TCF20: variants seen among roughly 807,000 people sequenced by gnomAD.
TCF20 encodes transcription factor 20, also known as SPRE-binding protein.
TCF20 carries 3 observed loss-of-function variants against 148.6 expected under a neutral mutation model. The ratio of observed to expected loss-of-function variants is 0.02; its 90% confidence interval spans 0.01 to 0.05. TCF20 has a LOEUF of 0.05. TCF20 is among the 10% of genes least tolerant of loss of function. TCF20 has a pLI of 1.00. For synonymous variants in TCF20, 1,049 were observed against 909.5 expected (o/e 1.15, Z -2.76); for missense variants, 2,350 against 2,429.3 (o/e 0.97, Z 0.69).
At chr22:42,172,335 C>T (rs1856373662) in intron 3 of TCF20, among the ~76,000 whole-genome samples, 1 of 152,200 alleles carries the variant, frequency 6.6e-6, no homozygotes, top group Admixed American at 6.5e-5. Flanking sequence ...TGTAGTAAAA[C>T]CTCTTCTGAG....
upstream of TCF20, among the ~76,000 whole-genome samples, chr22:42,271,381 GAATT>G (rs1926614993): frequency 6.6e-6 from 1 of 152,354 alleles, no homozygotes; most frequent in South Asian, 2.1e-4. Context: ...CCAGGGTCCC[GAATT>G]AATTTGCCGA....
intron 1 of TCF20, among the ~76,000 whole-genome samples, chr22:42,245,042 C>T (rs1924789392): frequency 6.6e-6 from 1 of 152,010 alleles, no homozygotes; most frequent in Non-Finnish European, 1.5e-5. Flanking sequence ...GTGATCATGC[C>T]ACTGCACTCC....
chr22:42,201,492 G>C (rs1938013680), intron 2 of TCF20, among the ~76,000 whole-genome samples: 1 of 152,186 alleles, frequency 6.6e-6, no homozygotes, highest in African/African-American at 2.4e-5. Flanking sequence ...TTTAGACCAG[G>C]CGCGGTGGCT....
At chr22:42,284,950 C>T (rs1211627766), upstream of TCF20, among the ~76,000 whole-genome samples, 3 of 152,260 alleles carry the variant, frequency 2.0e-5, no homozygotes. Flanking sequence ...GGACTCTGGG[C>T]CGTGGCCAGA....
At chr22:42,227,959 T>G (rs935249264) in intron 1 of TCF20, among the ~76,000 whole-genome samples, 2 of 152,246 alleles carry the variant, frequency 1.3e-5, no homozygotes, top group African/African-American at 4.8e-5. Context: ...TTCTGCATGT[T>G]AACAAGGTCA....
At chr22:42,179,839 G>T in intron 2 of TCF20, 137 bp from the exon 3 acceptor site, 1 of 641,790 alleles carries the variant, frequency 1.6e-6, no homozygotes, top group Non-Finnish European at 2.8e-6. Context: ...GGATGAGCTG[G>T]TCAATTTCTA....
chr22:42,334,636 A>G (rs1928034921), intron 1 of TCF20, among the ~76,000 whole-genome samples: 1 of 152,254 alleles, frequency 6.6e-6, no homozygotes, highest in African/African-American at 2.4e-5. Flanking sequence ...TGTGGCAGAC[A>G]CACTGGCGCC....
chr22:42,327,802 G>A (rs1307917609), intron 1 of TCF20, among the ~76,000 whole-genome samples: 1 of 150,818 alleles, frequency 6.6e-6, no homozygotes, highest in Non-Finnish European at 1.5e-5. Flanking sequence ...CTCCCAGAGG[G>A]CCCAGCTCAT....
intron 2 of TCF20, among the ~76,000 whole-genome samples, chr22:42,204,416 A>G (rs1938248018): frequency 6.6e-6 from 1 of 152,218 alleles, no homozygotes; most frequent in Admixed American, 6.5e-5. Flanking sequence ...AATCACTTGA[A>G]TACAGGAGGC....
chr22:42,332,848 T>C (rs144001816), intron 1 of TCF20, among the ~76,000 whole-genome samples: 6 of 152,322 alleles, frequency 3.9e-5, no homozygotes, highest in Admixed American at 6.5e-5. Context: ...TCTGTTTCTA[T>C]AAAGTGCAGA....
At chr22:42,226,579 C>A (rs1922918503) in intron 1 of TCF20, among the ~76,000 whole-genome samples, 1 of 152,066 alleles carries the variant, frequency 6.6e-6, no homozygotes, top group African/African-American at 2.4e-5. Flanking sequence ...GTGGCGGAAA[C>A]CTATAATCCC....
At chr22:42,187,911 G>T (rs1937123485) in intron 2 of TCF20, among the ~76,000 whole-genome samples, 1 of 152,184 alleles carries the variant, frequency 6.6e-6, no homozygotes, top group African/African-American at 2.4e-5. Flanking sequence ...TGAGAAGTTA[G>T]TAGGTCTAAG....
upstream of TCF20, among the ~76,000 whole-genome samples, chr22:42,271,702 A>C: frequency 6.6e-6 from 1 of 152,122 alleles, no homozygotes; most frequent in African/African-American, 2.4e-5. Flanking sequence ...ATGTTGGCTA[A>C]AATTGCCGAT....
intron 1 of TCF20, among the ~76,000 whole-genome samples, chr22:42,309,972 T>C (rs1477823322): frequency 6.6e-6 from 1 of 152,174 alleles, no homozygotes; most frequent in Non-Finnish European, 1.5e-5. Flanking sequence ...CAGCCCTGTC[T>C]CTCCAGTGCC....
chr22:42,166,597 A>G (rs1295960221), intron 5 of TCF20, among the ~76,000 whole-genome samples: 1 of 148,620 alleles, frequency 6.7e-6, no homozygotes, highest in Non-Finnish European at 1.5e-5. Flanking sequence ...CGACAAAGTG[A>G]GAATCCGTCT....
Position 42,179,638 on chromosome 22 carries a change from C to G in TCF20, c.5720G>C (p.Arg1907Pro). Residue 1907 changes from arginine (R) to proline (P), a missense_variant, in exon 3 of 6, where the codon CGA (arginine) becomes CCA (proline). By Grantham distance (103) the Arg-to-Pro change is moderately radical. Coordinates refer to ENST00000677622, the MANE Select transcript of TCF20 (RefSeq NM_001378418.1). ...ATCAATGGCACACGGGTAATGGTATCGGAAGGAGCAGCCTTTGTTGTAGCA... is the reference window on the plus strand; with the variant it reads ...ATCAATGGCACACGGGTAATGGTATGGGAAGGAGCAGCCTTTGTTGTAGCA... The part of the protein sequence containing the change: ...LGCYNKGCSF[R>P]YHYPCAIDAD... 6.2e-7 allele frequency: 1 copy of G among 1,614,090 alleles called. No homozygotes were observed. Among genetic ancestry groups the G allele is most frequent in the Non-Finnish European group, 8.5e-7 (1 of 1,179,980 alleles).
At chr22:42,204,018 C>T (rs889183306) in intron 2 of TCF20, among the ~76,000 whole-genome samples, 36 of 152,320 alleles carry the variant, frequency 2.4e-4, no homozygotes, top group Middle Eastern at 3.4e-3. Context: ...AGAGAGCCTA[C>T]CTTTCTGACT....
At chr22:42,323,986 ATGGTGGTGGAGGTGGTGGCG>A in intron 1 of TCF20, among the ~76,000 whole-genome samples, 1 of 33,320 alleles carries the variant, frequency 3.0e-5, no homozygotes, top group East Asian at 1.5e-3. Context: ...GGTGGAGGTT[ATGGTGGTGGAGGTGGTGGCG>A]GAGGTTATGG....
chr22:42,330,467 C>T (rs1408482043), intron 1 of TCF20, among the ~76,000 whole-genome samples: 2 of 152,160 alleles, frequency 1.3e-5, no homozygotes, highest in Non-Finnish European at 2.9e-5. Flanking sequence ...GCTGGTTGTT[C>T]TGAGCTCAGA....
Sources: gnomAD v4.1 joint callset for allele counts (sites outside exome capture counted in the v4.1 genomes callset) on GRCh38, gnomAD v4.1.1 for gene constraint, MANE v1.5 for transcripts, NCBI Gene and HGNC (gene_info 2026-07-23, HGNC 2026-07-21) for gene names.